Variants in TSPEAR observed in about 807,000 individuals in gnomAD.
TSPEAR encodes the protein thrombospondin-type laminin G domain and EAR repeat-containing protein.
A neutral mutation model predicts 71.6 loss-of-function variants in TSPEAR; 69 were observed. The ratio of observed to expected loss-of-function variants is 0.96; its 90% confidence interval spans 0.79 to 1.18. The LOEUF is 1.18. Among genes scored for constraint, TSPEAR ranks in the 50% most tolerant of loss-of-function variants. The pLI is 0.00. For missense variants in TSPEAR, 971 were observed against 894.9 expected, an observed-to-expected ratio of 1.09 and a Z score of -1.09; for synonymous variants, 402 against 387.2, an observed-to-expected ratio of 1.04 and a Z score of -0.45.
At chr21:44,582,174 C>T (rs1249874803) in intron 1 of TSPEAR, among the ~76,000 whole-genome samples, 2 of 152,178 alleles carry the variant, frequency 1.3e-5, no homozygotes, top group African/African-American at 4.8e-5. Context: ...ACATGCACGG[C>T]GCAGGTGCGG....
intron 2 of TSPEAR, chr21:44,539,979 A>G (rs369902631): frequency 4.3e-6 from 7 of 1,613,338 alleles, no homozygotes; most frequent in Non-Finnish European, 5.9e-6. Flanking sequence ...GCTGCCTGGC[A>G]GCAGGGGCTG....
intron 1 of TSPEAR, among the ~76,000 whole-genome samples, chr21:44,620,578 C>G: frequency 6.6e-6 from 1 of 152,192 alleles, no homozygotes. Context: ...TCAGTCTAGA[C>G]AGAGGTTTGT....
chr21:44,702,360 C>A (rs1987692407), intron 1 of TSPEAR: 3 of 1,254,030 alleles, frequency 2.4e-6, no homozygotes, highest in African/African-American at 2.5e-5. Context: ...GTGTGTCCAG[C>A]CCCTGCTGCC....
At chr21:44,599,134 TTCTCTCTCTCTCTCTCTC>T (rs58774528) in intron 1 of TSPEAR, among the ~76,000 whole-genome samples, 1 of 92,280 alleles carries the variant, frequency 1.1e-5, no homozygotes, top group African/African-American at 3.3e-5. Flanking sequence ...GGCCCCCATT[TTCTCTCTCTCTCTCTCTC>T]TCTCTCTCTC....
chr21:44,505,965 C>T (rs1364250066), intron 10 of TSPEAR, among the ~76,000 whole-genome samples: 1 of 152,184 alleles, frequency 6.6e-6, no homozygotes, highest in African/African-American at 2.4e-5. Flanking sequence ...GTTTCCCGCT[C>T]TGGACACTGT....
At chr21:44,505,257 G>A (rs2052166953) in intron 10 of TSPEAR, among the ~76,000 whole-genome samples, 1 of 151,626 alleles carries the variant, frequency 6.6e-6, no homozygotes, top group Non-Finnish European at 1.5e-5. Context: ...TTTTGTATTT[G>A]TAGTACAGAC....
intron 11 of TSPEAR, among the ~76,000 whole-genome samples, chr21:44,501,171 C>T (rs1232037599): frequency 4.6e-5 from 7 of 152,182 alleles, no homozygotes; most frequent in Admixed American, 2.0e-4. Flanking sequence ...CATTTATGGC[C>T]GGGCGGGGTG....
intron 1 of TSPEAR, chr21:44,678,082 A>G (rs1986407425): frequency 1.5e-6 from 1 of 667,176 alleles, no homozygotes; most frequent in Non-Finnish European, 2.7e-6. Context: ...ACAGGCCCGC[A>G]GTATCTGTCG....
chr21:44,677,695 GT>G, intron 1 of TSPEAR: 2 of 1,419,756 alleles, frequency 1.4e-6, no homozygotes, highest in Non-Finnish European at 2.0e-6. Flanking sequence ...TCTCCCTTTT[GT>G]TTTTGGAGTT....
chr21:44,658,335 C>T, intron 1 of TSPEAR: 1 of 1,487,584 alleles, frequency 6.7e-7, no homozygotes, highest in South Asian at 1.2e-5. Flanking sequence ...TCTGGTGGAC[C>T]CCCAGATTGC....
At chr21:44,611,506 C>T (rs423954) in intron 1 of TSPEAR, among the ~76,000 whole-genome samples, 134,556 of 151,968 alleles carry the variant, frequency 0.89, 60,032 homozygotes, top group Non-Finnish European at 0.95. Context: ...GCCCTTTTTC[C>T]TCTCAGTCTT....
chr21:44,579,551 G>C (rs1405004633), intron 1 of TSPEAR: 1 of 633,134 alleles, frequency 1.6e-6, no homozygotes, highest in Non-Finnish European at 2.7e-6. Flanking sequence ...TGGGAGGGAG[G>C]ACAGGGGACC....
chr21:44,672,949 C>T (rs1555946280), intron 1 of TSPEAR, among the ~76,000 whole-genome samples: 1 of 152,198 alleles, frequency 6.6e-6, no homozygotes, highest in Non-Finnish European at 1.5e-5. Context: ...AACCCACGCT[C>T]CTTGTACAGC....
chr21:44,660,410 C>T (rs1392584935), intron 1 of TSPEAR, among the ~76,000 whole-genome samples: 2 of 152,132 alleles, frequency 1.3e-5, no homozygotes, highest in Non-Finnish European at 2.9e-5. Context: ...AGACTACGAG[C>T]ATAAGGACAA....
At chr21:44,514,390 A>G (rs781784053) in intron 9 of TSPEAR, among the ~76,000 whole-genome samples, 1 of 151,074 alleles carries the variant, frequency 6.6e-6, no homozygotes, top group Non-Finnish European at 1.5e-5. Context: ...ATGAGTGTGC[A>G]TGTACATGTG....
intron 1 of TSPEAR, chr21:44,600,556 A>G: frequency 6.5e-7 from 1 of 1,543,122 alleles, no homozygotes; most frequent in South Asian, 1.2e-5. Flanking sequence ...CACCTAACAC[A>G]CGGACTCACT....
At chr21:44,688,687 C>T (rs1330050310) in intron 1 of TSPEAR, among the ~76,000 whole-genome samples, 1 of 151,922 alleles carries the variant, frequency 6.6e-6, no homozygotes, top group Non-Finnish European at 1.5e-5. Flanking sequence ...CCAGCCTGGG[C>T]AACAGAGCCA....
intron 1 of TSPEAR, among the ~76,000 whole-genome samples, chr21:44,620,442 T>C (rs782253820): frequency 6.6e-6 from 1 of 152,258 alleles, no homozygotes; most frequent in Non-Finnish European, 1.5e-5. Context: ...TACATCTTGG[T>C]TATCTAATTT....
chr21:44,517,372 A>T (rs587628141), intron 9 of TSPEAR: 30 of 178,914 alleles, frequency 1.7e-4, no homozygotes, highest in Admixed American at 1.6e-3. Flanking sequence ...GGGTCATATG[A>T]CCAGCACTAG....
Sources: allele counts gnomAD v4.1 joint callset (sites outside exome capture counted in the v4.1 genomes callset), GRCh38; gene constraint gnomAD v4.1.1; transcripts MANE v1.5; gene names NCBI Gene and HGNC (gene_info 2026-07-23, HGNC 2026-07-21).